NECAB1: variants seen among roughly 807,000 people sequenced by gnomAD.
NECAB1 encodes N-terminal EF-hand calcium binding protein 1, also known as N-terminal EF-hand calcium-binding protein 1.
A neutral mutation model predicts 57.5 loss-of-function variants in NECAB1; 29 were observed. The ratio of observed to expected loss-of-function variants is 0.50; its 90% CI spans 0.38 to 0.69. NECAB1 has a LOEUF of 0.69. Ranked by LOEUF, NECAB1 falls within the 30% of genes least tolerant of loss-of-function variation. The pLI, the probability that NECAB1 is intolerant of heterozygous loss-of-function variation, is 0.00. For missense variants in NECAB1, 372 were observed against 413.8 expected (o/e 0.90, Z 0.88); for synonymous variants, 142 against 147.7 (o/e 0.96, Z 0.28).
intron 10 of NECAB1, among the ~76,000 whole-genome samples, chr8:90,944,080 C>T (rs1204810523): frequency 1.3e-5 from 2 of 152,124 alleles, no homozygotes; most frequent in African/African-American, 2.4e-5. Flanking sequence ...AATCAAGAGG[C>T]ACATATTACA....
At chr8:90,820,937 C>G (rs1338989906) in intron 2 of NECAB1, among the ~76,000 whole-genome samples, 5 of 151,792 alleles carry the variant, frequency 3.3e-5, no homozygotes, top group Admixed American at 3.3e-4. Flanking sequence ...TTCTATATAG[C>G]CTTTCTCTTA....
chr8:90,939,016 CTAATA>C (rs2130231238), intron 9 of NECAB1, among the ~76,000 whole-genome samples: 1 of 152,180 alleles, frequency 6.6e-6, no homozygotes, highest in South Asian at 2.1e-4. Context: ...TTTTAATCCT[CTAATA>C]TAGGGGTTGG....
intron 6 of NECAB1, among the ~76,000 whole-genome samples, chr8:90,922,485 G>GTTTTTTTTTTTTTTTTTTTTTT (rs1586127873): frequency 1.5e-5 from 1 of 65,218 alleles, no homozygotes; most frequent in Admixed American, 2.3e-4. Context: ...CAAAAACTTG[G>GTTTTTTTTTTTTTTTTTTTTTT]ATTTTTTTTT....
intron 5 of NECAB1, among the ~76,000 whole-genome samples, chr8:90,892,938 C>G (rs889770272): frequency 6.6e-6 from 1 of 152,164 alleles, no homozygotes; most frequent in Non-Finnish European, 1.5e-5. Flanking sequence ...GGTACCCTCC[C>G]CATCTCTCTA....
intron 1 of NECAB1, 119 bp from the exon 2 acceptor site, chr8:90,801,572 A>G (rs1811758504): frequency 2.9e-6 from 2 of 697,664 alleles, no homozygotes; most frequent in South Asian, 1.8e-5. Context: ...CAATTGGGAA[A>G]CGCTTACTTA....
At chr8:90,876,672 G>A (rs1286794405) in intron 4 of NECAB1, among the ~76,000 whole-genome samples, 1 of 151,978 alleles carries the variant, frequency 6.6e-6, no homozygotes, top group Non-Finnish European at 1.5e-5. Context: ...CTAATTTTTT[G>A]TTAGCATTTT....
intron 5 of NECAB1, among the ~76,000 whole-genome samples, chr8:90,912,742 G>C (rs34649228): frequency 0.01 from 1,546 of 152,128 alleles, 11 homozygotes; most frequent in Non-Finnish European, 0.017. Context: ...AAAAAAAAAT[G>C]TGCCATTTAA....
At chr8:90,905,474 C>T (rs1809617757) in intron 5 of NECAB1, among the ~76,000 whole-genome samples, 1 of 152,096 alleles carries the variant, frequency 6.6e-6, no homozygotes, top group Non-Finnish European at 1.5e-5. Flanking sequence ...TTAATAGCCA[C>T]AGGTTCATAG....
At chr8:90,843,840 A>C (rs1812503809) in intron 3 of NECAB1, among the ~76,000 whole-genome samples, 1 of 152,154 alleles carries the variant, frequency 6.6e-6, no homozygotes, top group East Asian at 1.9e-4. Flanking sequence ...CTGGCAGAGA[A>C]CTTCTAGTCT....
At chr8:90,949,047 C>T (rs1388041145) in intron 10 of NECAB1, among the ~76,000 whole-genome samples, 1 of 152,006 alleles carries the variant, frequency 6.6e-6, no homozygotes, top group Non-Finnish European at 1.5e-5. Context: ...TTGTCTCACC[C>T]AAATTGGAAA....
intron 3 of NECAB1, among the ~76,000 whole-genome samples, chr8:90,846,285 C>T (rs1477773887): frequency 6.6e-6 from 1 of 152,182 alleles, no homozygotes; most frequent in African/African-American, 2.4e-5. Flanking sequence ...CTTCTTATAA[C>T]AAAATAGCTT....
intron 5 of NECAB1, among the ~76,000 whole-genome samples, chr8:90,886,518 C>T (rs1808995685): frequency 6.6e-6 from 1 of 151,938 alleles, no homozygotes; most frequent in African/African-American, 2.4e-5. Flanking sequence ...TCTCTGTTCT[C>T]TCTCTCTCTT....
chr8:90,872,211 A>G, intron 4 of NECAB1, 58 bp downstream of exon 4: 13 of 1,304,090 alleles, frequency 1.0e-5, no homozygotes, highest in Non-Finnish European at 1.3e-5. Flanking sequence ...GAAAAAGAGT[A>G]TTGTCTGATA....
chr8:90,808,265 C>G (rs563117466), intron 2 of NECAB1, among the ~76,000 whole-genome samples: 1 of 152,306 alleles, frequency 6.6e-6, no homozygotes, highest in South Asian at 2.1e-4. Flanking sequence ...CAAAACGTGG[C>G]TGCTACCTTA....
intron 5 of NECAB1, among the ~76,000 whole-genome samples, chr8:90,893,447 A>C (rs762646425): frequency 6.6e-6 from 1 of 152,198 alleles, no homozygotes; most frequent in Non-Finnish European, 1.5e-5. Flanking sequence ...TGTGATGAAG[A>C]TCACTGATGA....
intron 3 of NECAB1, among the ~76,000 whole-genome samples, chr8:90,828,431 C>T (rs1274264002): frequency 6.6e-6 from 1 of 151,948 alleles, no homozygotes; most frequent in Non-Finnish European, 1.5e-5. Flanking sequence ...TCAAGCCTGC[C>T]CAGGCACAAG....
chr8:90,944,246 C>T (rs1189087755), intron 10 of NECAB1, among the ~76,000 whole-genome samples: 1 of 152,168 alleles, frequency 6.6e-6, no homozygotes, highest in Admixed American at 6.5e-5. Flanking sequence ...CACACAAGTC[C>T]ACTCCTGTTC....
intron 6 of NECAB1, among the ~76,000 whole-genome samples, chr8:90,925,021 T>C (rs1296303037): frequency 1.3e-5 from 2 of 151,816 alleles, no homozygotes; most frequent in Non-Finnish European, 2.9e-5. Context: ...CATATACTCA[T>C]ATGAAAGTAA....
chr8:90,863,206 G>A (rs1808441415), intron 3 of NECAB1, among the ~76,000 whole-genome samples: 1 of 151,990 alleles, frequency 6.6e-6, no homozygotes, highest in South Asian at 2.1e-4. Context: ...TTCTTATACT[G>A]TCTGCCTGGT....
Sources: allele counts gnomAD v4.1 joint callset (sites outside exome capture counted in the v4.1 genomes callset), GRCh38; gene constraint gnomAD v4.1.1; transcripts MANE v1.5; gene names NCBI Gene and HGNC (gene_info 2026-07-23, HGNC 2026-07-21).